Variants in MERTK observed in about 807,000 individuals in gnomAD.
MERTK encodes the protein tyrosine-protein kinase Mer.
Under a neutral mutation model 99.3 loss-of-function variants are expected in MERTK, and 69 were observed. That is an observed-to-expected ratio of 0.70 (90% CI 0.57 to 0.85). MERTK has a LOEUF of 0.85. Among genes scored for constraint, MERTK ranks in the 40% least tolerant of loss-of-function variants. The probability of loss-of-function intolerance (pLI) is 0.00; values close to 1 mark genes in which losing one functional copy is unlikely to be tolerated. For synonymous variants in MERTK, 426 were observed against 467.6 expected (o/e 0.91, Z 1.15); for missense variants, 1,125 against 1,249.4 (o/e 0.90, Z 1.50).
chr2:112,021,788 G>A (rs1677356104), intron 17 of MERTK, among the ~76,000 whole-genome samples: 1 of 152,230 alleles, frequency 6.6e-6, no homozygotes, highest in Admixed American at 6.5e-5. Flanking sequence ...ACATTCAGAA[G>A]ATGTGTGCTT....
At chr2:112,020,564 TGCAGTTG>T in intron 16 of MERTK, 1 of 470,928 alleles carries the variant, frequency 2.1e-6, no homozygotes, top group South Asian at 1.5e-5. Context: ...GGGCTACAAA[TGCAGTTG>T]TAGCCCTTTA....
At chr2:111,958,713 A>G (rs922722098) in intron 4 of MERTK, among the ~76,000 whole-genome samples, 1 of 152,160 alleles carries the variant, frequency 6.6e-6, no homozygotes, top group African/African-American at 2.4e-5. Flanking sequence ...ATGACTGTCC[A>G]TTTGACCTGA....
At chr2:111,905,408 A>G (rs1684118684) in intron 1 of MERTK, among the ~76,000 whole-genome samples, 2 of 130,694 alleles carry the variant, frequency 1.5e-5, no homozygotes, top group African/African-American at 5.7e-5. Flanking sequence ...TGTCTCAAAC[A>G]TTTCATTGAG....
At chr2:111,955,538 T>C (rs11676040) in intron 4 of MERTK, among the ~76,000 whole-genome samples, 35,499 of 151,920 alleles carry the variant, frequency 0.23, 4,376 homozygotes, top group Middle Eastern at 0.37. Context: ...TGCATAAACC[T>C]ATACACTCAT....
intron 8 of MERTK, among the ~76,000 whole-genome samples, chr2:111,987,365 C>CT (rs1206284615): frequency 6.6e-6 from 1 of 152,136 alleles, no homozygotes; most frequent in South Asian, 2.1e-4. Context: ...TGATACCTAC[C>CT]TTTTTTGTTC....
At chr2:111,950,876 T>C (rs1019847045) in intron 4 of MERTK, among the ~76,000 whole-genome samples, 1 of 152,204 alleles carries the variant, frequency 6.6e-6, no homozygotes, top group African/African-American at 2.4e-5. Context: ...ATCTTGACAA[T>C]ATTGAGCCTT....
At position 112,003,140 on chromosome 2, in the gene MERTK, T is replaced by A. The variant is rs1676904729; in HGVS notation, c.1739T>A (p.Val580Asp). 6.2e-7 allele frequency: 1 copy of A among 1,604,394 alleles called. No homozygotes were observed. The highest frequency in any genetic ancestry group is 1.7e-5 in the Admixed American group (1 of 59,960). Residue 580 changes from valine (V) to aspartate (D), a missense_variant, in exon 12 of 19, where the codon GTT (valine) becomes GAT (aspartate). Val to Asp is a radical substitution (Grantham distance 152). Coordinates refer to ENST00000295408, the MANE Select transcript of MERTK (RefSeq NM_006343.3). ...SEELQNKLED[V>D]VIDRNLLILG... ...GAACTACAAAATAAACTAGAAGATG[T>A]TGTGATTGACAGGAATCTTCTAATT...
At position 111,925,292 on chromosome 2, in the gene MERTK, A is replaced by ATTTTTT. The variant is rs11433691; in HGVS notation, c.62-3807_62-3802dup. ...ACAGATCAGATATATATATATATAT[A>ATTTTTT]TTTTTTTTTTTTTTTTTTTTTTTTT... On this transcript the variant is annotated intron_variant, in intron 1 of 18. Coordinates refer to ENST00000295408, the MANE Select transcript of MERTK (RefSeq NM_006343.3). 8.6e-3 allele frequency among the ~76,000 whole-genome samples: 211 copies of ATTTTTT among 24,504 alleles called. 29 individuals are homozygous for ATTTTTT. Among genetic ancestry groups the ATTTTTT allele is most frequent in the Non-Finnish European group, 0.012 (159 of 13,736 alleles). 16.1% of individuals were successfully genotyped at this position (24,504 alleles called of 152,430 possible).
chr2:111,975,674 T>C (rs1676232506), intron 7 of MERTK, among the ~76,000 whole-genome samples: 1 of 152,220 alleles, frequency 6.6e-6, no homozygotes, highest in South Asian at 2.1e-4. Context: ...CTTAGCCGTG[T>C]TATGTATAGG....
At chr2:111,977,185 C>T (rs1395960613) in intron 7 of MERTK, among the ~76,000 whole-genome samples, 1 of 152,092 alleles carries the variant, frequency 6.6e-6, no homozygotes, top group Non-Finnish European at 1.5e-5. Context: ...TTTTAAAAAT[C>T]ATTTCTTCTA....
intron 13 of MERTK, among the ~76,000 whole-genome samples, chr2:112,005,985 A>G (rs915225898): frequency 3.9e-5 from 6 of 152,068 alleles, no homozygotes; most frequent in Admixed American, 1.3e-4. Flanking sequence ...GGTTCGAGCA[A>G]TTCTTCTGCC....
At chr2:111,967,226 A>G (rs1486848211) in intron 5 of MERTK, among the ~76,000 whole-genome samples, 2 of 152,120 alleles carry the variant, frequency 1.3e-5, no homozygotes, top group Non-Finnish European at 2.9e-5. Flanking sequence ...TACTGCTTAC[A>G]ACCTCTCTGT....
chr2:111,970,869 C>A (rs933988126), intron 6 of MERTK, among the ~76,000 whole-genome samples: 2 of 140,076 alleles, frequency 1.4e-5, no homozygotes, highest in Non-Finnish European at 1.5e-5. Flanking sequence ...TCTCCTCCTT[C>A]TTCTCCTTCT....
At chr2:111,966,239 G>A (rs1421382058) in intron 5 of MERTK, among the ~76,000 whole-genome samples, 6 of 152,122 alleles carry the variant, frequency 3.9e-5, no homozygotes, top group Non-Finnish European at 8.8e-5. Context: ...TAAAGGTTGG[G>A]TACATACAGA....
At chr2:111,905,885 AGGCAGGGAGAAGG>A (rs1684128265) in intron 1 of MERTK, among the ~76,000 whole-genome samples, 1 of 152,238 alleles carries the variant, frequency 6.6e-6, no homozygotes, top group African/African-American at 2.4e-5. Context: ...TGGAGGTGGC[AGGCAGGGAGAAGG>A]GGCAGAAGGA....
chr2:111,926,463 T>C (rs896561197), intron 1 of MERTK, among the ~76,000 whole-genome samples: 1 of 152,062 alleles, frequency 6.6e-6, no homozygotes, highest in African/African-American at 2.4e-5. Context: ...GTGTGGTGGC[T>C]CACGCCTGTA....
chr2:111,929,383 A>G lies in MERTK; in HGVS notation c.325A>G (p.Lys109Glu). 2 of 1,614,116 alleles carry G rather than the reference A, an allele frequency of 1.2e-6. No individual in the cohort carries two copies. The highest frequency in any genetic ancestry group is 1.7e-6 in the Non-Finnish European group (2 of 1,180,034). Residue 109 changes from lysine (K) to glutamate (E), a missense_variant, in exon 2 of 19, where the codon AAA (lysine) becomes GAA (glutamate). Coordinates refer to ENST00000295408, the MANE Select transcript of MERTK (RefSeq NM_006343.3). ...TVGHIILSEHKGVKFNCSISV... is the reference protein window; with the variant it reads ...TVGHIILSEHEGVKFNCSISV... ...TGGACACATAATACTTTCTGAACATAAAGGTGTCAAATTTAATTGCTCAAT... is the reference window on the plus strand; with the variant it reads ...TGGACACATAATACTTTCTGAACATGAAGGTGTCAAATTTAATTGCTCAAT...
intron 2 of MERTK, among the ~76,000 whole-genome samples, chr2:111,937,504 G>A (rs1380413946): frequency 6.6e-6 from 1 of 151,976 alleles, no homozygotes; most frequent in Non-Finnish European, 1.5e-5. Flanking sequence ...GTTTCCTTTG[G>A]GGCCCCCATC....
chr2:112,013,858 G>A (rs1464411200), intron 15 of MERTK, among the ~76,000 whole-genome samples: 4 of 151,608 alleles, frequency 2.6e-5, no homozygotes, highest in Non-Finnish European at 5.9e-5. Context: ...ATTTGGGAGG[G>A]GGGTGGTGGC....
Sources: gnomAD v4.1 joint callset for allele counts (sites outside exome capture counted in the v4.1 genomes callset) on GRCh38, gnomAD v4.1.1 for gene constraint, MANE v1.5 for transcripts, NCBI Gene and HGNC (gene_info 2026-07-23, HGNC 2026-07-21) for gene names.